The following GAS7 variants were observed in gnomAD, a reference collection of about 807,000 sequenced individuals.
GAS7 encodes the protein growth arrest specific 7, also known as growth arrest-specific protein 7.
A neutral mutation model predicts 71.1 loss-of-function variants in GAS7; 28 were observed. That is an observed-to-expected ratio of 0.39 (90% CI 0.29 to 0.54). The LOEUF (loss-of-function observed/expected upper bound fraction) is 0.54, where lower values mean the gene tolerates loss of function less well. Among genes scored for constraint, GAS7 ranks in the 20% least tolerant of loss-of-function variants. The pLI is 0.62. For missense variants in GAS7, 436 were observed against 627.8 expected, an observed-to-expected ratio of 0.69 and a Z score of 3.27; for synonymous variants, 258 against 245.8, an observed-to-expected ratio of 1.05 and a Z score of -0.46.
At chr17:10,142,557 C>A (rs1015116246) in intron 1 of GAS7, among the ~76,000 whole-genome samples, 2 of 152,164 alleles carry the variant, frequency 1.3e-5, no homozygotes, top group African/African-American at 4.8e-5. Flanking sequence ...TTAGTAGAGA[C>A]GGGGTTTCAC....
chr17:9,979,054 T>C (rs2152126564), intron 3 of GAS7, among the ~76,000 whole-genome samples: 1 of 152,242 alleles, frequency 6.6e-6, no homozygotes, highest in African/African-American at 2.4e-5. Context: ...TTGCCGAATG[T>C]CCCCTGGTAG....
chr17:10,174,584 C>G (rs1314467850), intron 1 of GAS7, among the ~76,000 whole-genome samples: 3 of 151,684 alleles, frequency 2.0e-5, no homozygotes, highest in African/African-American at 4.8e-5. Flanking sequence ...CCCAGCTACT[C>G]GGGAGGCCGA....
intron 7 of GAS7, 38 bp downstream of exon 7, chr17:9,943,083 G>A (rs763951852): frequency 1.5e-6 from 2 of 1,352,254 alleles, no homozygotes; most frequent in Non-Finnish European, 2.1e-6. Context: ...GGGAACACTG[G>A]TGCCAGGCCC....
At chr17:10,183,140 T>C (rs1391984317) in intron 1 of GAS7, among the ~76,000 whole-genome samples, 2 of 151,882 alleles carry the variant, frequency 1.3e-5, no homozygotes, top group African/African-American at 4.8e-5. Context: ...GAAAATGCTA[T>C]ACCATCTTGT....
At chr17:10,106,348 C>A (rs1281130640) in intron 1 of GAS7, among the ~76,000 whole-genome samples, 1 of 152,198 alleles carries the variant, frequency 6.6e-6, no homozygotes, top group Non-Finnish European at 1.5e-5. Context: ...GTCTGCAGCC[C>A]AGCTTTGGCT....
intron 2 of GAS7, among the ~76,000 whole-genome samples, chr17:10,005,142 C>CGCAT (rs1567879726): frequency 6.8e-5 from 5 of 73,086 alleles, no homozygotes; most frequent in African/African-American, 1.4e-4. Context: ...TGTGTGCGCG[C>CGCAT]ACGCATGCAT....
intron 2 of GAS7, among the ~76,000 whole-genome samples, chr17:10,010,546 C>T (rs2152188569): frequency 6.6e-6 from 1 of 152,274 alleles, no homozygotes; most frequent in East Asian, 1.9e-4. Flanking sequence ...GTCTCTGCTG[C>T]AACTACAGAT....
At chr17:9,920,656 G>A (rs2067772291) in intron 11 of GAS7, among the ~76,000 whole-genome samples, 1 of 152,168 alleles carries the variant, frequency 6.6e-6, no homozygotes, top group South Asian at 2.1e-4. Flanking sequence ...AGACGCTCTG[G>A]TAATGTGTGT....
intron 1 of GAS7, among the ~76,000 whole-genome samples, chr17:10,165,736 C>T (rs1168918758): frequency 6.6e-6 from 1 of 152,194 alleles, no homozygotes; most frequent in Non-Finnish European, 1.5e-5. Context: ...CTACTCCAGC[C>T]TCCCACCCTG....
At chr17:10,141,281 T>C (rs9898359) in intron 1 of GAS7, among the ~76,000 whole-genome samples, 20,107 of 152,170 alleles carry the variant, frequency 0.13, 2,580 homozygotes, top group East Asian at 0.47. Flanking sequence ...AACCCGTCTC[T>C]ACTAAAAATA....
At chr17:10,106,835 T>G (rs2073761624) in intron 1 of GAS7, among the ~76,000 whole-genome samples, 3 of 152,022 alleles carry the variant, frequency 2.0e-5, no homozygotes, top group Non-Finnish European at 4.4e-5. Flanking sequence ...GAATGTTACC[T>G]TATATGGCAA....
intron 2 of GAS7, among the ~76,000 whole-genome samples, chr17:9,987,545 G>A (rs936358085): frequency 1.3e-5 from 2 of 152,216 alleles, no homozygotes; most frequent in Admixed American, 1.3e-4. Context: ...CCAGCTACTT[G>A]GGAGGCTGAT....
intron 7 of GAS7, among the ~76,000 whole-genome samples, chr17:9,940,845 C>G: frequency 6.6e-6 from 1 of 152,222 alleles, no homozygotes. Context: ...CAGGGAGTGT[C>G]CTGTATTATC....
chr17:10,058,219 G>T (rs934652529), intron 1 of GAS7, among the ~76,000 whole-genome samples: 15 of 152,020 alleles, frequency 9.9e-5, no homozygotes, highest in Non-Finnish European at 1.8e-4. Context: ...ATCTCCCAAT[G>T]CGAGAAATAC....
At chr17:9,936,860 T>C (rs2068420209) in intron 8 of GAS7, among the ~76,000 whole-genome samples, 1 of 152,178 alleles carries the variant, frequency 6.6e-6, no homozygotes, top group African/African-American at 2.4e-5. Context: ...AAAGGCAGAA[T>C]AAACAACCGA....
At chr17:10,080,607 G>C (rs2073447984) in intron 1 of GAS7, among the ~76,000 whole-genome samples, 2 of 152,140 alleles carry the variant, frequency 1.3e-5, no homozygotes, top group African/African-American at 4.8e-5. Flanking sequence ...ATACAATAAA[G>C]AAGATCTAGA....
Position 9,974,183 on chromosome 17 carries a change from C to A in GAS7, c.386-4421G>T, listed in dbSNP as rs142268053. Among the ~76,000 whole-genome samples, 1 of 152,232 alleles carries A rather than the reference C, an allele frequency of 6.6e-6. No individual in the cohort carries two copies. Among genetic ancestry groups the A allele is most frequent in the Non-Finnish European group, 1.5e-5 (1 of 68,048 alleles). The stretch of plus-strand genomic sequence containing the variant: ...AAAACAATTACGAGGAAAGAAAACA[C>A]AGTTTTCCATTCGACCCTTTCTCCC... On this transcript the variant is annotated intron_variant, in intron 3 of 13. Coordinates refer to ENST00000432992, the MANE Select transcript of GAS7 (RefSeq NM_201433.2). The surrounding 1 kb of genome is among the most constrained non-coding windows in gnomAD (Gnocchi z 4.0).
intron 1 of GAS7, among the ~76,000 whole-genome samples, chr17:10,069,016 C>T (rs535384769): frequency 2.6e-5 from 4 of 152,102 alleles, no homozygotes; most frequent in Admixed American, 2.6e-4. Flanking sequence ...GTAGGCATCC[C>T]CTGCCTAGCA....
chr17:10,014,630 A>G (rs535804564), intron 2 of GAS7, among the ~76,000 whole-genome samples: 197 of 152,226 alleles, frequency 1.3e-3, no homozygotes, highest in African/African-American at 4.4e-3. Flanking sequence ...CTCCCCCTGC[A>G]AAGACTTGGT....
Sources: gnomAD v4.1 joint callset for allele counts (sites outside exome capture counted in the v4.1 genomes callset) on GRCh38, gnomAD v4.1.1 for gene constraint, Gnocchi (gnomAD v3.1) non-coding constraint, MANE v1.5 for transcripts, NCBI Gene and HGNC (gene_info 2026-07-23, HGNC 2026-07-21) for gene names.